ZKSCAN5: variants seen among roughly 807,000 people sequenced by gnomAD.
ZKSCAN5 encodes the protein zinc finger protein with KRAB and SCAN domains 5.
In ZKSCAN5, 28 loss-of-function variants were observed where a neutral mutation model predicts 60.0. The ratio of observed to expected loss-of-function variants is 0.47; its 90% CI spans 0.35 to 0.64. The LOEUF (loss-of-function observed/expected upper bound fraction) is 0.64. Ranked by LOEUF, ZKSCAN5 falls within the 30% of genes least tolerant of loss-of-function variation. ZKSCAN5 has a pLI of 0.01. For synonymous variants in ZKSCAN5, 361 were observed against 371.2 expected, an observed-to-expected ratio of 0.97 and a Z score of 0.31; for missense variants, 881 against 1,034.6, an observed-to-expected ratio of 0.85 and a Z score of 2.04.
intron 3 of ZKSCAN5, among the ~76,000 whole-genome samples, chr7:99,516,080 C>T (rs1438186670): frequency 1.3e-5 from 2 of 151,762 alleles, no homozygotes; most frequent in Admixed American, 1.3e-4. Context: ...CAGGTTCAAG[C>T]GACTCTCCTG....
intron 3 of ZKSCAN5, among the ~76,000 whole-genome samples, chr7:99,516,755 T>C (rs1801283554): frequency 6.6e-6 from 1 of 152,092 alleles, no homozygotes; most frequent in Non-Finnish European, 1.5e-5. Flanking sequence ...GTCTCCCCGA[T>C]CTCCATTCCT....
At chr7:99,512,329 G>T (rs1584172606) in intron 2 of ZKSCAN5, 124 bp from the exon 3 acceptor site, 2 of 1,237,896 alleles carry the variant, frequency 1.6e-6, no homozygotes, top group East Asian at 4.8e-5. Flanking sequence ...ATCAGTGCGT[G>T]GCTCATTGTA....
rs932201244 is a variant in ZKSCAN5 at position 99,530,034 on chromosome 7, C to A, written c.1379-1074C>A. Among the ~76,000 whole-genome samples the A allele has an allele frequency of 2.9e-5, 3 of 105,146 alleles. No homozygotes were observed. In the East Asian group the frequency reaches 7.6e-4, roughly 27 times the overall value. The allele number at this position is 105,146 out of a possible 152,430, so 69.0% of individuals were successfully genotyped here. ...CAGGCGTGAGCCACCTGCACCCGGC[C>A]TTTTTTTTTTTTTTTTTTTGAGATG... On this transcript the variant is annotated intron_variant, in intron 6 of 6. Coordinates refer to ENST00000326775, the MANE Select transcript of ZKSCAN5 (RefSeq NM_145102.4).
chr7:99,531,235 A>T lies in ZKSCAN5; in HGVS notation c.1506A>T (p.Glu502Asp). ...TTTCTCAAGTTCAAGATTTTGGAGA[A>T]GGCTGTGAGTTTCAAGGCAAGCTGG... ...RNVSQVQDFG[E>D]GCEFQGKLDR... Residue 502 changes from glutamate to aspartate, a missense_variant, in exon 7 of 7, where the codon GAA becomes GAT. Physicochemically the swap from Glu to Asp is conservative, Grantham distance 45. Around this residue, in one of 5 missense-constraint regions of ZKSCAN5, gnomAD observed 490 missense variants for 554.5 expected, o/e 0.88. Transcript: ENST00000326775. The T allele has an allele frequency of 1.2e-6, 2 of 1,614,210 alleles. No individual in the cohort carries two copies. Among genetic ancestry groups the T allele is most frequent in the Non-Finnish European group, 1.7e-6 (2 of 1,180,040 alleles).
chr7:99,522,888 GC>G (rs71108446), intron 5 of ZKSCAN5, among the ~76,000 whole-genome samples: 151,503 of 151,504 alleles, frequency 1, 75,751 homozygotes, highest in Middle Eastern at 1. Flanking sequence ...GACAGGCTGG[GC>G]CGTGGTGTCT....
At position 99,532,075 on chromosome 7, in the gene ZKSCAN5, C is replaced by T; in HGVS notation, c.2346C>T (p.Phe782=). The T allele has an allele frequency of 6.2e-7, 1 of 1,614,212 alleles. No individual in the cohort carries two copies. Among genetic ancestry groups the T allele is most frequent in the Non-Finnish European group, 8.5e-7 (1 of 1,180,036 alleles). ...AATGTCATGAATGTGGCAGAGGCTTCACTCTGAAGTCACATCTTAATCAAC... is the reference window on the plus strand; with the variant it reads ...AATGTCATGAATGTGGCAGAGGCTTTACTCTGAAGTCACATCTTAATCAAC... ...SHQCHECGRG[F]TLKSHLNQHQ... Residue 782 remains phenylalanine, a synonymous_variant, in exon 7 of 7, where the codon TTC becomes TTT. Coordinates refer to ENST00000326775, the MANE Select transcript of ZKSCAN5 (RefSeq NM_145102.4).
intron 5 of ZKSCAN5, among the ~76,000 whole-genome samples, chr7:99,523,521 G>A (rs573532841): frequency 1.3e-5 from 2 of 152,124 alleles, no homozygotes; most frequent in Non-Finnish European, 2.9e-5. Flanking sequence ...TGGGAGGATC[G>A]CTTCAACCAG....
chr7:99,508,935 A>G (rs1037490110), intron 2 of ZKSCAN5, among the ~76,000 whole-genome samples: 1 of 151,536 alleles, frequency 6.6e-6, no homozygotes. Context: ...CAGCCTCCCA[A>G]GTGGCTGGGA....
intron 1 of ZKSCAN5, 165 bp from the exon 2 acceptor site, chr7:99,505,840 G>A (rs1433244060): frequency 1.9e-6 from 1 of 523,710 alleles, no homozygotes; most frequent in African/African-American, 1.9e-5. Context: ...CTACCTTGTA[G>A]TACCTATTTT....
At chr7:99,514,542 C>G (rs1318003792) in intron 3 of ZKSCAN5, among the ~76,000 whole-genome samples, 1 of 151,912 alleles carries the variant, frequency 6.6e-6, no homozygotes, top group Non-Finnish European at 1.5e-5. Flanking sequence ...GAGGCCAAAG[C>G]AGGTGGATCT....
At chr7:99,524,729 T>G (rs1801696665) in intron 5 of ZKSCAN5, among the ~76,000 whole-genome samples, 1 of 152,200 alleles carries the variant, frequency 6.6e-6, no homozygotes, top group South Asian at 2.1e-4. Context: ...TTTTTTCTTT[T>G]AGATTAATTC....
intron 5 of ZKSCAN5, among the ~76,000 whole-genome samples, chr7:99,521,925 C>A (rs1801556448): frequency 1.3e-5 from 2 of 151,874 alleles, no homozygotes; most frequent in Admixed American, 6.6e-5. Flanking sequence ...TTTATTTGAG[C>A]CTGTTACTCT....
In ZKSCAN5 at chr7:99,531,294, T is replaced by C. The variant is rs765400319; in HGVS notation, c.1565T>C (p.Leu522Pro). The change falls in exon 7 of 7, where the codon CTA becomes CCA. Residue 522 changes from leucine to proline, a missense_variant. This residue lies in a region of ZKSCAN5 where 490 missense variants were observed against 554.5 expected (regional missense o/e 0.88). Coordinates refer to ENST00000326775, the MANE Select transcript of ZKSCAN5 (RefSeq NM_145102.4). ...CAGGGAATTCCCATGAAAGAGATAC[T>C]AGGACAACCATCTTCAAAGAGGATG... ...RKQGIPMKEI[L>P]GQPSSKRMNY... 140 of 1,614,002 alleles carry C rather than the reference T, an allele frequency of 8.7e-5. No homozygotes were observed. The highest frequency in any genetic ancestry group is 1.1e-4 in the Non-Finnish European group (126 of 1,180,026).
At position 99,531,667 on chromosome 7, in the gene ZKSCAN5, C is replaced by G; in HGVS notation, c.1938C>G (p.Ser646=). Reference sequence around the variant, plus strand: ...GTGGGAAAGGCTTTGGGAGGCGTTCCCACCTGGCTGGACATCTTCGACTCC... The same window carrying G: ...GTGGGAAAGGCTTTGGGAGGCGTTCGCACCTGGCTGGACATCTTCGACTCC... ...NECGKGFGRR[S]HLAGHLRLHS... Residue 646 remains serine, a synonymous_variant, in exon 7 of 7, where the codon TCC becomes TCG. Coordinates refer to ENST00000326775, the MANE Select transcript of ZKSCAN5 (RefSeq NM_145102.4). 1 of 1,614,140 alleles carries G rather than the reference C, an allele frequency of 6.2e-7. No homozygotes were observed. The highest frequency in any genetic ancestry group is 8.5e-7 in the Non-Finnish European group (1 of 1,180,032).
intron 2 of ZKSCAN5, among the ~76,000 whole-genome samples, chr7:99,510,696 G>A (rs950799605): frequency 2.0e-5 from 3 of 151,802 alleles, no homozygotes; most frequent in South Asian, 2.1e-4. Flanking sequence ...TGCCCGCCTC[G>A]GCCCCCCAAA....
chr7:99,532,154 A>G lies in ZKSCAN5; in HGVS notation c.2425A>G (p.Asn809Asp). The G allele has an allele frequency of 6.2e-7, 1 of 1,613,882 alleles. No homozygotes were observed. The highest frequency in any genetic ancestry group is 8.5e-7 in the Non-Finnish European group (1 of 1,180,022). ...TTTTCAATGTAAAGAATGTGGAATG[A>G]ATTTCAGCTGGAGTTGTAGCCTCTT... ...KPFQCKECGM[N>D]FSWSCSLFKH... The change falls in exon 7 of 7, where the codon AAT becomes GAT. Residue 809 changes from asparagine to aspartate, a missense_variant. Asn to Asp is a conservative substitution (Grantham distance 23). This residue lies in a region of ZKSCAN5 where 138 missense variants were observed against 143.8 expected (regional missense o/e 0.96). Coordinates refer to ENST00000326775, the MANE Select transcript of ZKSCAN5 (RefSeq NM_145102.4).
At chr7:99,508,741 T>C (rs1186192859) in intron 2 of ZKSCAN5, among the ~76,000 whole-genome samples, 1 of 142,536 alleles carries the variant, frequency 7.0e-6, no homozygotes, top group Non-Finnish European at 1.5e-5. Context: ...GGAGCGAGAC[T>C]CCCATCTCAA....
intron 2 of ZKSCAN5, among the ~76,000 whole-genome samples, chr7:99,507,551 ATGTATATATATG>A (rs1006353156): frequency 8.8e-5 from 13 of 147,064 alleles, no homozygotes; most frequent in East Asian, 5.9e-4. Flanking sequence ...ATGTATATAT[ATGTATATATATG>A]TGTATATATA....
In ZKSCAN5 at chr7:99,526,808, G is replaced by A. The variant is rs1005564477; in HGVS notation, c.1378+390G>A. 2.8e-4 allele frequency among the ~76,000 whole-genome samples: 42 copies of A among 152,300 alleles called. 1 individual carries two copies. Among genetic ancestry groups the A allele is most frequent in the Middle Eastern group, 3.4e-3 (1 of 294 alleles). ...GACCTCAGGCGATCTGCCTGCCTTG[G>A]CCTCCCAAAGTGCTGGGATTACAGG... On this transcript the variant is annotated intron_variant, in intron 6 of 6. Coordinates refer to ENST00000326775, the MANE Select transcript of ZKSCAN5 (RefSeq NM_145102.4).
Sources: gnomAD v4.1 joint callset for allele counts (sites outside exome capture counted in the v4.1 genomes callset) on GRCh38, gnomAD v4.1.1 for gene constraint, gnomAD v4.1.1 regional missense constraint, MANE v1.5 for transcripts, NCBI Gene and HGNC (gene_info 2026-07-23, HGNC 2026-07-21) for gene names.